AUTS2: variants seen among roughly 807,000 people sequenced by gnomAD.
AUTS2 encodes the protein activator of transcription and developmental regulator AUTS2.
AUTS2 carries 17 observed loss-of-function variants against 112.4 expected under a neutral mutation model. The observed-to-expected ratio is 0.15, with a 90% CI of 0.10 to 0.23. The LOEUF is 0.23. Ranked by LOEUF, AUTS2 falls within the 10% of genes least tolerant of loss-of-function variation. The probability of loss-of-function intolerance (pLI) is 1.00; values close to 1 mark genes in which losing one functional copy is unlikely to be tolerated. For synonymous variants in AUTS2, 751 were observed against 702.7 expected, an observed-to-expected ratio of 1.07 and a Z score of -1.09; for missense variants, 1,510 against 1,701.6, an observed-to-expected ratio of 0.89 and a Z score of 1.98.
chr7:70,577,711 C>T (rs1802230218), intron 5 of AUTS2, among the ~76,000 whole-genome samples: 1 of 152,188 alleles, frequency 6.6e-6, no homozygotes, highest in African/African-American at 2.4e-5. Flanking sequence ...TGGAGACTCT[C>T]TAATCACTGA....
chr7:70,778,124 G>A (rs1299002230), intron 14 of AUTS2, among the ~76,000 whole-genome samples: 7 of 152,142 alleles, frequency 4.6e-5, no homozygotes, highest in African/African-American at 7.2e-5. Flanking sequence ...TCCATGTTCT[G>A]CTAGAGCCTT....
At chr7:70,047,250 G>C (rs1801546979) in intron 2 of AUTS2, among the ~76,000 whole-genome samples, 1 of 152,084 alleles carries the variant, frequency 6.6e-6, no homozygotes, top group Non-Finnish European at 1.5e-5. Flanking sequence ...TTTAATTGCA[G>C]GACCTTCTTT....
intron 4 of AUTS2, among the ~76,000 whole-genome samples, chr7:70,323,028 T>G (rs1486071354): frequency 6.6e-6 from 1 of 152,190 alleles, no homozygotes; most frequent in East Asian, 1.9e-4. Flanking sequence ...TTAAACCAAT[T>G]AGAGTGGGTT....
At chr7:69,850,241 G>A (rs1467622446) in intron 1 of AUTS2, among the ~76,000 whole-genome samples, 2 of 151,504 alleles carry the variant, frequency 1.3e-5, no homozygotes, top group Admixed American at 1.3e-4. Context: ...AGAGGTTGCA[G>A]TGAGCTGAGA....
At chr7:69,910,881 C>T (rs1304404214) in intron 2 of AUTS2, among the ~76,000 whole-genome samples, 2 of 152,190 alleles carry the variant, frequency 1.3e-5, no homozygotes, top group African/African-American at 2.4e-5. Flanking sequence ...CCGCCTCGGC[C>T]TCTCAAAGTG....
At chr7:70,352,028 A>C (rs1791791503) in intron 4 of AUTS2, among the ~76,000 whole-genome samples, 1 of 152,210 alleles carries the variant, frequency 6.6e-6, no homozygotes, top group Non-Finnish European at 1.5e-5. Flanking sequence ...AATAGCTAAC[A>C]ATTATTGAGG....
At chr7:70,033,834 G>T (rs1389119652) in intron 2 of AUTS2, among the ~76,000 whole-genome samples, 1 of 151,964 alleles carries the variant, frequency 6.6e-6, no homozygotes, top group African/African-American at 2.4e-5. Context: ...GGGAGGATAG[G>T]GAGAATTGGT....
chr7:70,184,322 G>A (rs1809487563), intron 4 of AUTS2, among the ~76,000 whole-genome samples: 1 of 152,172 alleles, frequency 6.6e-6, no homozygotes, highest in South Asian at 2.1e-4. Flanking sequence ...GGGAAGCAGA[G>A]CCTATGCTGG....
intron 2 of AUTS2, among the ~76,000 whole-genome samples, chr7:70,076,390 A>G (rs1803035943): frequency 6.6e-6 from 1 of 152,182 alleles, no homozygotes; most frequent in Admixed American, 6.5e-5. Context: ...TTTCTCACCA[A>G]CATTGTAGTG....
At chr7:69,663,080 G>A (rs1002157781) in intron 1 of AUTS2, 4 of 152,186 alleles carry the variant, frequency 2.6e-5, no homozygotes, top group Admixed American at 1.3e-4. Flanking sequence ...AGATTCAGGT[G>A]ACTTAACTGC....
At position 69,969,756 on chromosome 7, in the gene AUTS2, A is replaced by T. The variant is rs543481925; in HGVS notation, c.522+70258A>T. On this transcript the variant is annotated intron_variant, in intron 2 of 18. Coordinates refer to ENST00000342771, the MANE Select transcript of AUTS2 (RefSeq NM_015570.4). Reference sequence around the variant, plus strand: ...CCCTCACTATCTTTAAAAGGACAAAAAAAGAAATTCCTCTCTTGATTGTCA... The same window carrying T: ...CCCTCACTATCTTTAAAAGGACAAATAAAGAAATTCCTCTCTTGATTGTCA... Among the ~76,000 whole-genome samples the T allele has an allele frequency of 5.3e-5, 8 of 152,314 alleles. No homozygotes were observed. In the East Asian group the frequency reaches 1.5e-3, roughly 29 times the overall value.
intron 1 of AUTS2, among the ~76,000 whole-genome samples, chr7:69,830,340 G>A (rs1012905217): frequency 2.0e-5 from 3 of 152,056 alleles, no homozygotes; most frequent in African/African-American, 7.2e-5. Context: ...CATGGCACAC[G>A]TATACCTATG....
At chr7:70,083,601 A>G (rs1161735325) in intron 2 of AUTS2, among the ~76,000 whole-genome samples, 2 of 152,176 alleles carry the variant, frequency 1.3e-5, no homozygotes, top group South Asian at 2.1e-4. Flanking sequence ...TATTTAAACT[A>G]TACAACTTGA....
chr7:70,681,285 G>A (rs1325659473), intron 5 of AUTS2, among the ~76,000 whole-genome samples: 1 of 152,176 alleles, frequency 6.6e-6, no homozygotes, highest in Non-Finnish European at 1.5e-5. Context: ...GAATCCTGTT[G>A]TTGAGGGAGG....
chr7:69,778,399 T>TAA (rs1411596227), intron 1 of AUTS2, among the ~76,000 whole-genome samples: 1 of 149,870 alleles, frequency 6.7e-6, no homozygotes, highest in African/African-American at 2.5e-5. Flanking sequence ...CCCAGGGAGT[T>TAA]TAAAAAAAAA....
chr7:70,236,800 C>T (rs1028258266), intron 4 of AUTS2, among the ~76,000 whole-genome samples: 2 of 152,172 alleles, frequency 1.3e-5, no homozygotes, highest in Non-Finnish European at 2.9e-5. Flanking sequence ...GCTCCTTCCC[C>T]CTCATTGCCA....
At chr7:69,829,925 A>G (rs1791422510) in intron 1 of AUTS2, among the ~76,000 whole-genome samples, 1 of 152,192 alleles carries the variant, frequency 6.6e-6, no homozygotes, top group Non-Finnish European at 1.5e-5. Flanking sequence ...TACTATAAAG[A>G]CACATGCACA....
chr7:70,207,269 A>G (rs1810620082), intron 4 of AUTS2, among the ~76,000 whole-genome samples: 1 of 152,216 alleles, frequency 6.6e-6, no homozygotes, highest in African/African-American at 2.4e-5. Context: ...GCCCTACTTT[A>G]TGTACTAGTA....
rs35215443 is a variant in AUTS2 at position 70,185,257 on chromosome 7, C to CTTTTTTTTTTTTTTTTTTTT, written c.660+50694_660+50713dup. On this transcript the variant is annotated intron_variant, in intron 4 of 18. Transcript: ENST00000342771. Reference sequence around the variant, plus strand: ...TGCTTTGGGCCTAAATGACATTAAACTTTTTTTTTTTTTTTTTTTTTTTTT... The same window carrying CTTTTTTTTTTTTTTTTTTTT: ...TGCTTTGGGCCTAAATGACATTAAACTTTTTTTTTTTTTTTTTTTTTTTTTTTTTTTTTTTTTTTTTTTTT... Among the ~76,000 whole-genome samples, 138 of 87,114 alleles carry CTTTTTTTTTTTTTTTTTTTT rather than the reference C, an allele frequency of 1.6e-3. 5 individuals carry two copies. The highest frequency in any genetic ancestry group is 2.0e-3 in the Non-Finnish European group (92 of 45,878). The allele number at this position is 87,114 out of a possible 152,430, so 57.2% of individuals were successfully genotyped here.
Sources: gnomAD v4.1 joint callset for allele counts (sites outside exome capture counted in the v4.1 genomes callset) on GRCh38, gnomAD v4.1.1 for gene constraint, MANE v1.5 for transcripts, NCBI Gene and HGNC (gene_info 2026-07-23, HGNC 2026-07-21) for gene names.